Variants in DRC11 observed in about 807,000 individuals in gnomAD.
The protein encoded by DRC11 is dynein regulatory complex subunit 11, also known as IQ and AAA domain-containing protein 1.
chr2:236,322,720 T>G, the DRC11 span, among the ~76,000 whole-genome samples: 1 of 152,218 alleles, frequency 6.6e-6, no homozygotes, highest in Non-Finnish European at 1.5e-5. Flanking sequence ...TAGCTATCTT[T>G]ACCAGTTTTT....
At chr2:236,349,905 C>T in the DRC11 span, among the ~76,000 whole-genome samples, 3 of 152,152 alleles carry the variant, frequency 2.0e-5, no homozygotes, top group African/African-American at 7.2e-5. The surrounding 1 kb of genome is among the most constrained non-coding windows in gnomAD (Gnocchi z 5.5). Context: ...CAAAAGCAAC[C>T]GTCTCTTGTC....
the DRC11 span, among the ~76,000 whole-genome samples, chr2:236,498,329 G>A: frequency 6.6e-6 from 1 of 152,040 alleles, no homozygotes; most frequent in Non-Finnish European, 1.5e-5. Flanking sequence ...GCCAGGCATA[G>A]TGGCGCCCGC....
the DRC11 span, among the ~76,000 whole-genome samples, chr2:236,388,221 T>G: frequency 6.6e-6 from 1 of 151,950 alleles, no homozygotes. Context: ...CTTGCTAGAT[T>G]GGGGAAGTTC....
chr2:236,326,567 A>C, the DRC11 span, among the ~76,000 whole-genome samples: 1 of 152,092 alleles, frequency 6.6e-6, no homozygotes, highest in African/African-American at 2.4e-5. Flanking sequence ...TTTCTTTGCA[A>C]TTCAGACCTT....
At chr2:236,502,735 C>G in the DRC11 span, among the ~76,000 whole-genome samples, 2 of 151,678 alleles carry the variant, frequency 1.3e-5, no homozygotes, top group Non-Finnish European at 2.9e-5. Context: ...AGGTACAGAT[C>G]AGTGCAAGCA....
At chr2:236,426,607 A>G in the DRC11 span, among the ~76,000 whole-genome samples, 1 of 152,090 alleles carries the variant, frequency 6.6e-6, no homozygotes, top group South Asian at 2.1e-4. The surrounding 1 kb of genome is among the most constrained non-coding windows in gnomAD (Gnocchi z 4.1). Context: ...GGGTCTTGCT[A>G]TGTTGCCCAG....
chr2:236,357,260 A>G, the DRC11 span, among the ~76,000 whole-genome samples: 10 of 89,178 alleles, frequency 1.1e-4, no homozygotes, highest in Non-Finnish European at 2.0e-4. Flanking sequence ...ATATCTATAT[A>G]TTATAAATAT....
the DRC11 span, among the ~76,000 whole-genome samples, chr2:236,470,766 C>T: frequency 1.3e-5 from 2 of 152,096 alleles, no homozygotes; most frequent in Non-Finnish European, 2.9e-5. This position sits in a 1 kb window ranked among gnomAD's most constrained non-coding sequence, Gnocchi z 5.1. Context: ...TGCTTTTGCC[C>T]TCTGCTCAGA....
At chr2:236,492,376 A>G in the DRC11 span, among the ~76,000 whole-genome samples, 1 of 152,206 alleles carries the variant, frequency 6.6e-6, no homozygotes, top group African/African-American at 2.4e-5. Context: ...TGGCAAATAC[A>G]GGGCATGCAT....
At chr2:236,322,753 G>A in the DRC11 span, among the ~76,000 whole-genome samples, 24 of 152,130 alleles carry the variant, frequency 1.6e-4, no homozygotes, top group African/African-American at 2.9e-4. Flanking sequence ...CTCTAACGCC[G>A]TCCTGCCCAG....
At chr2:236,350,736 C>T in the DRC11 span, among the ~76,000 whole-genome samples, 1 of 152,204 alleles carries the variant, frequency 6.6e-6, no homozygotes, top group Non-Finnish European at 1.5e-5. This position sits in a 1 kb window ranked among gnomAD's most constrained non-coding sequence, Gnocchi z 5.2. Context: ...TTGACCTGTA[C>T]CGCTACCTGA....
At chr2:236,347,139 A>T in the DRC11 span, among the ~76,000 whole-genome samples, 1 of 152,200 alleles carries the variant, frequency 6.6e-6, no homozygotes, top group South Asian at 2.1e-4. Context: ...GCTGACTGCA[A>T]CCTAGAGCAC....
the DRC11 span, among the ~76,000 whole-genome samples, chr2:236,450,670 T>C: frequency 3.3e-5 from 5 of 152,234 alleles, no homozygotes; most frequent in Non-Finnish European, 5.9e-5. Flanking sequence ...ATCTAGTTAC[T>C]GCACCTCTGT....
At chr2:236,482,587 CT>C in the DRC11 span, among the ~76,000 whole-genome samples, 1 of 152,168 alleles carries the variant, frequency 6.6e-6, no homozygotes, top group Non-Finnish European at 1.5e-5. The surrounding 1 kb of genome is among the most constrained non-coding windows in gnomAD (Gnocchi z 4.5). Flanking sequence ...ACAGACACCA[CT>C]TACCCCATTT....
the DRC11 span, chr2:236,333,118 G>C: frequency 6.6e-6 from 1 of 152,244 alleles, no homozygotes; most frequent in Non-Finnish European, 1.5e-5. This position sits in a 1 kb window ranked among gnomAD's most constrained non-coding sequence, Gnocchi z 6.0. Flanking sequence ...TAAAGCGCTT[G>C]GAAGTGCAGC....
chr2:236,387,235 G>C, the DRC11 span, among the ~76,000 whole-genome samples: 5 of 148,226 alleles, frequency 3.4e-5, no homozygotes, highest in Admixed American at 3.4e-4. Flanking sequence ...TTTCTGTCTC[G>C]TTGATCTGTC....
chr2:236,354,660 C>T, the DRC11 span, among the ~76,000 whole-genome samples: 340 of 152,288 alleles, frequency 2.2e-3, 3 homozygotes, highest in Middle Eastern at 3.4e-3. Context: ...TTTGAATGCT[C>T]GTGGCATCAA....
chr2:236,437,254 C>T, the DRC11 span, among the ~76,000 whole-genome samples: 1 of 138,628 alleles, frequency 7.2e-6, no homozygotes, highest in Admixed American at 7.3e-5. Flanking sequence ...ATCCATGTCC[C>T]TACAAAGGAC....
At chr2:236,387,852 G>A in the DRC11 span, among the ~76,000 whole-genome samples, 1 of 152,078 alleles carries the variant, frequency 6.6e-6, no homozygotes, top group African/African-American at 2.4e-5. Flanking sequence ...TTGTAAGGCA[G>A]GCCTGGTGGT....
Sources: allele counts gnomAD v4.1 joint callset (sites outside exome capture counted in the v4.1 genomes callset), GRCh38; gene constraint gnomAD v4.1.1; non-coding constraint Gnocchi (gnomAD v3.1); transcripts MANE v1.5; gene names NCBI Gene and HGNC (gene_info 2026-07-23, HGNC 2026-07-21).